The following CNTN3 variants were observed in gnomAD, a reference collection of about 807,000 sequenced individuals.
CNTN3 encodes the protein contactin 3.
In CNTN3, 60 loss-of-function variants were observed where a neutral mutation model predicts 119.1. The observed-to-expected ratio is 0.50, with a 90% CI of 0.41 to 0.62. CNTN3 has a LOEUF of 0.62. Among genes scored for constraint, CNTN3 ranks in the 20% least tolerant of loss-of-function variants. CNTN3 has a pLI of 0.00. For synonymous variants in CNTN3, 450 were observed against 438.7 expected, an observed-to-expected ratio of 1.03 and a Z score of -0.32; for missense variants, 1,101 against 1,242.4, an observed-to-expected ratio of 0.89 and a Z score of 1.71.
chr3:74,455,887 T>C (rs1336953676), intron 4 of CNTN3, among the ~76,000 whole-genome samples: 1 of 152,042 alleles, frequency 6.6e-6, no homozygotes. Context: ...AAGCAACAAG[T>C]CTGAGATGGG....
At chr3:74,352,695 C>A (rs1394177662) in intron 11 of CNTN3, among the ~76,000 whole-genome samples, 1 of 152,116 alleles carries the variant, frequency 6.6e-6, no homozygotes, top group African/African-American at 2.4e-5. Context: ...CATGGAGTAC[C>A]TTCCTTCTAG....
chr3:74,474,910 A>C (rs9310298), intron 4 of CNTN3, among the ~76,000 whole-genome samples: 118,751 of 152,030 alleles, frequency 0.78, 46,716 homozygotes, highest in African/African-American at 0.85. Context: ...CTGCTCTGGC[A>C]ATGTGACATG....
chr3:74,320,774 G>C (rs1702968059), intron 13 of CNTN3, among the ~76,000 whole-genome samples: 1 of 152,060 alleles, frequency 6.6e-6, no homozygotes, highest in South Asian at 2.1e-4. Context: ...TCCCTCCAGT[G>C]CACAACCTTT....
At chr3:74,592,431 C>A (rs754584985) in intron 1 of CNTN3, among the ~76,000 whole-genome samples, 1 of 151,648 alleles carries the variant, frequency 6.6e-6, no homozygotes, top group South Asian at 2.1e-4. Flanking sequence ...AAAAAAAATA[C>A]GCTTACTCTA....
intron 19 of CNTN3, among the ~76,000 whole-genome samples, chr3:74,288,542 T>C (rs147625220): frequency 6.6e-6 from 1 of 152,256 alleles, no homozygotes; most frequent in African/African-American, 2.4e-5. Flanking sequence ...AAGGCATCAA[T>C]GAAGTTTAAG....
chr3:74,282,940 G>A (rs1233737531), intron 20 of CNTN3, among the ~76,000 whole-genome samples: 1 of 152,030 alleles, frequency 6.6e-6, no homozygotes, highest in Non-Finnish European at 1.5e-5. Flanking sequence ...AACATCTACA[G>A]ATCAACCTAA....
chr3:74,297,637 C>T (rs1702367985), intron 18 of CNTN3, among the ~76,000 whole-genome samples: 1 of 152,142 alleles, frequency 6.6e-6, no homozygotes, highest in South Asian at 2.1e-4. Context: ...TTATCTGTAG[C>T]TATCTGGTTA....
At chr3:74,288,159 C>CTTTTTTTTTTTTTTTTTTTTTTTTTT (rs3084509) in intron 19 of CNTN3, among the ~76,000 whole-genome samples, 1 of 90,376 alleles carries the variant, frequency 1.1e-5, no homozygotes, top group Non-Finnish European at 2.4e-5. Context: ...CTTTTCTTTT[C>CTTTTTTTTTTTTTTTTTTTTTTTTTT]TTTTTTTTTT....
intron 1 of CNTN3, among the ~76,000 whole-genome samples, chr3:74,533,179 G>T (rs1703717283): frequency 6.6e-6 from 1 of 151,948 alleles, no homozygotes; most frequent in Non-Finnish European, 1.5e-5. Context: ...CATATTCATA[G>T]GTAAATTAAT....
At chr3:74,546,682 G>A (rs931807899) in intron 1 of CNTN3, among the ~76,000 whole-genome samples, 10 of 152,156 alleles carry the variant, frequency 6.6e-5, no homozygotes, top group Admixed American at 1.3e-4. Flanking sequence ...ACAGACTGAA[G>A]CCTGCACTGT....
Position 74,479,966 on chromosome 3 carries a change from T to C in CNTN3, c.358+6490A>G, listed in dbSNP as rs550186906. The stretch of plus-strand genomic sequence containing the variant: ...TAAAATAATGTAATAAGACTACTAT[T>C]AGAAAAAGAAAAATCATGCATGAAA... On this transcript the variant is annotated intron_variant, in intron 4 of 22. Coordinates refer to ENST00000263665, the MANE Select transcript of CNTN3 (RefSeq NM_020872.3). 5.3e-5 allele frequency among the ~76,000 whole-genome samples: 8 copies of C among 152,182 alleles called. No individual in the cohort carries two copies. In the South Asian group the frequency reaches 1.7e-3, roughly 31 times the overall value.
chr3:74,349,113 G>T (rs1466708229), intron 11 of CNTN3, among the ~76,000 whole-genome samples: 1 of 151,558 alleles, frequency 6.6e-6, no homozygotes, highest in East Asian at 1.9e-4. Context: ...GTTTTAGAGT[G>T]ATTTGTTATG....
chr3:74,524,790 A>G (rs1274108731), intron 1 of CNTN3, among the ~76,000 whole-genome samples: 1 of 151,874 alleles, frequency 6.6e-6, no homozygotes, highest in Non-Finnish European at 1.5e-5. Flanking sequence ...TGGATTGATC[A>G]GTATGCATGC....
intron 1 of CNTN3, among the ~76,000 whole-genome samples, chr3:74,613,628 C>T (rs1286998351): frequency 6.6e-6 from 1 of 152,168 alleles, no homozygotes; most frequent in Non-Finnish European, 1.5e-5. Context: ...CGGAGCTTTG[C>T]ACAAGCAGAG....
At chr3:74,299,717 A>G (rs529715139) in intron 17 of CNTN3, 151 bp downstream of exon 17, 299 of 526,566 alleles carry the variant, frequency 5.7e-4, no homozygotes, top group African/African-American at 4.4e-3. Flanking sequence ...CACCATCACC[A>G]CCTATATTAC....
Position 74,302,822 on chromosome 3 carries a change from G to C in CNTN3, c.1669-15C>G, listed in dbSNP as rs1447162214. ...CCAGATGAACTCTGTTGGGAAAACAGGTAATGAATACACTGTTATTTTTTT... is the reference window on the plus strand; with the variant it reads ...CCAGATGAACTCTGTTGGGAAAACACGTAATGAATACACTGTTATTTTTTT... On this transcript the variant is annotated splice_polypyrimidine_tract_variant and intron_variant, in intron 13 of 22. Coordinates refer to ENST00000263665, the MANE Select transcript of CNTN3 (RefSeq NM_020872.3). 6.7e-7 allele frequency: 1 copy of C among 1,494,984 alleles called. No homozygotes were observed. The highest frequency in any genetic ancestry group is 1.7e-5 in the Admixed American group (1 of 59,206). 92.6% of individuals were successfully genotyped at this position (1,494,984 alleles called of 1,614,324 possible).
intron 5 of CNTN3, among the ~76,000 whole-genome samples, chr3:74,402,848 G>A (rs576870989): frequency 2.6e-5 from 4 of 152,344 alleles, no homozygotes; most frequent in African/African-American, 4.8e-5. Flanking sequence ...CAATGGCAAG[G>A]AGGAGTCAGC....
At chr3:74,554,400 GCT>G (rs1203189566) in intron 1 of CNTN3, among the ~76,000 whole-genome samples, 3 of 152,128 alleles carry the variant, frequency 2.0e-5, no homozygotes, top group Admixed American at 6.5e-5. Context: ...TGGCTATGGG[GCT>G]CTTTTTTGGT....
intron 5 of CNTN3, among the ~76,000 whole-genome samples, chr3:74,381,042 C>G (rs1401464863): frequency 1.3e-5 from 2 of 151,404 alleles, no homozygotes; most frequent in African/African-American, 2.4e-5. Flanking sequence ...CCTTAGAAAG[C>G]TGGAGAAATT....
Sources: allele counts gnomAD v4.1 joint callset (sites outside exome capture counted in the v4.1 genomes callset), GRCh38; gene constraint gnomAD v4.1.1; transcripts MANE v1.5; gene names NCBI Gene and HGNC (gene_info 2026-07-23, HGNC 2026-07-21).